The following ZNF618 variants were observed in gnomAD, a reference collection of about 807,000 sequenced individuals.
The protein encoded by ZNF618 is neural precursor cell expressed, developmentally down-regulated 10.
ZNF618 carries 34 observed loss-of-function variants against 103.0 expected under a neutral mutation model. The observed-to-expected ratio is 0.33, with a 90% CI of 0.25 to 0.44. The LOEUF is 0.44. Among genes scored for constraint, ZNF618 ranks in the 20% least tolerant of loss-of-function variants. The pLI is 1.00. For synonymous variants in ZNF618, 551 were observed against 542.2 expected (o/e 1.02, Z -0.23); for missense variants, 1,059 against 1,295.4 (o/e 0.82, Z 2.80).
At chr9:113,876,484 A>G in intron 1 of ZNF618, 71 bp downstream of exon 1, 1 of 1,116,248 alleles carries the variant, frequency 9.0e-7, no homozygotes, top group Non-Finnish European at 1.1e-6. Context: ...GCGCTGCGCC[A>G]CTTCATTGCA....
chr9:113,902,909 C>A (rs1830683062), intron 1 of ZNF618, among the ~76,000 whole-genome samples: 1 of 152,174 alleles, frequency 6.6e-6, no homozygotes, highest in Non-Finnish European at 1.5e-5. Flanking sequence ...TTAACTGTCC[C>A]CCCTCACCCC....
At chr9:113,947,368 C>T (rs754869065) in intron 1 of ZNF618, among the ~76,000 whole-genome samples, 14 of 152,166 alleles carry the variant, frequency 9.2e-5, no homozygotes, top group African/African-American at 3.1e-4. Flanking sequence ...AAGAGGCATG[C>T]GTGTAGAGTG....
intron 1 of ZNF618, among the ~76,000 whole-genome samples, chr9:113,923,432 TG>T (rs1448418245): frequency 6.6e-6 from 1 of 152,204 alleles, no homozygotes; most frequent in Admixed American, 6.5e-5. Flanking sequence ...GTAGGTTTTT[TG>T]TAGATGTTCT....
At chr9:114,045,244 T>C (rs1264696162) in intron 13 of ZNF618, among the ~76,000 whole-genome samples, 1 of 152,110 alleles carries the variant, frequency 6.6e-6, no homozygotes, top group Non-Finnish European at 1.5e-5. Context: ...GCTTTTGGTG[T>C]CATATCCAGG....
chr9:113,976,892 C>T (rs1838522896), intron 2 of ZNF618, among the ~76,000 whole-genome samples: 1 of 152,192 alleles, frequency 6.6e-6, no homozygotes, highest in Non-Finnish European at 1.5e-5. Flanking sequence ...TCCATCCATC[C>T]TTTAATCTTC....
Position 113,987,086 on chromosome 9 carries a change from A to G in ZNF618, c.78-1235A>G, listed in dbSNP as rs554287401. 4.6e-5 allele frequency among the ~76,000 whole-genome samples: 7 copies of G among 152,272 alleles called. No individual in the cohort carries two copies. In the East Asian group the frequency reaches 9.7e-4, roughly 21 times the overall value. ...CACAGACCATGCTCTCCTCTGGCAC[A>G]GTGGAGAGGCTAGCATGGCCAGGGC... On this transcript the variant is annotated intron_variant, in intron 2 of 14. Coordinates refer to ENST00000374126, the MANE Select transcript of ZNF618 (RefSeq NM_001318042.2).
chr9:114,000,114 TA>T (rs1841032980), intron 4 of ZNF618, among the ~76,000 whole-genome samples: 1 of 152,176 alleles, frequency 6.6e-6, no homozygotes, highest in Admixed American at 6.5e-5. Flanking sequence ...AACCACTAAA[TA>T]ACAGACTCCT....
chr9:113,950,643 G>A (rs1019493594), intron 1 of ZNF618, among the ~76,000 whole-genome samples: 8 of 152,190 alleles, frequency 5.3e-5, no homozygotes, highest in Middle Eastern at 3.2e-3. Flanking sequence ...CTGTGAATAA[G>A]CCTTGGTCTC....
At chr9:113,968,064 G>A (rs532435371) in intron 1 of ZNF618, among the ~76,000 whole-genome samples, 6 of 152,180 alleles carry the variant, frequency 3.9e-5, no homozygotes, top group South Asian at 2.1e-4. Context: ...TCCTTCATCC[G>A]CAATCCTGAA....
At chr9:113,984,152 T>C (rs1160334828) in intron 2 of ZNF618, among the ~76,000 whole-genome samples, 3 of 152,046 alleles carry the variant, frequency 2.0e-5, no homozygotes, top group Non-Finnish European at 4.4e-5. Context: ...AACAAGGCAA[T>C]GAACTAGAAG....
At chr9:113,928,818 A>G (rs1472143255) in intron 1 of ZNF618, among the ~76,000 whole-genome samples, 1 of 152,052 alleles carries the variant, frequency 6.6e-6, no homozygotes, top group Admixed American at 6.6e-5. Flanking sequence ...TTCAATCTCA[A>G]TTATTATTAT....
chr9:113,973,508 A>G lies in ZNF618; in HGVS notation c.77+4348A>G, dbSNP rs532563867. Among the ~76,000 whole-genome samples the G allele has an allele frequency of 4.6e-5, 7 of 152,318 alleles. No individual in the cohort carries two copies. In the South Asian group the frequency reaches 1.5e-3, roughly 32 times the overall value. On this transcript the variant is annotated intron_variant, in intron 2 of 14. Transcript: ENST00000374126. ...GAGAGGTTGTGTTTCTGATCTTAAG[A>G]AACAACCGAATGTGGTTTGGTTTAC...
At chr9:113,944,629 T>C (rs1834845474) in intron 1 of ZNF618, among the ~76,000 whole-genome samples, 1 of 152,186 alleles carries the variant, frequency 6.6e-6, no homozygotes, top group East Asian at 1.9e-4. Flanking sequence ...AGAAATGTCA[T>C]GCAAGCCGCA....
intron 10 of ZNF618, among the ~76,000 whole-genome samples, chr9:114,020,690 G>C (rs907759977): frequency 2.0e-5 from 3 of 152,004 alleles, no homozygotes; most frequent in African/African-American, 7.2e-5. Flanking sequence ...AGTTCTAATA[G>C]ATTTTTTTAG....
intron 1 of ZNF618, among the ~76,000 whole-genome samples, chr9:113,922,999 C>T (rs984464682): frequency 2.0e-5 from 3 of 151,902 alleles, no homozygotes; most frequent in African/African-American, 4.8e-5. Flanking sequence ...TGTAGTTTTC[C>T]GTGGATATCC....
chr9:114,045,759 C>T (rs1448034705), intron 13 of ZNF618, among the ~76,000 whole-genome samples: 6 of 151,756 alleles, frequency 4.0e-5, no homozygotes, highest in Admixed American at 2.0e-4. Context: ...AAAACAACAA[C>T]AATATGGATT....
intron 1 of ZNF618, among the ~76,000 whole-genome samples, chr9:113,890,447 A>G (rs1260245830): frequency 6.6e-6 from 1 of 152,138 alleles, no homozygotes; most frequent in African/African-American, 2.4e-5. Context: ...GCAAATGTAG[A>G]TAGGTCTTCA....
chr9:113,900,212 C>T (rs1587977790), intron 1 of ZNF618, among the ~76,000 whole-genome samples: 1 of 152,004 alleles, frequency 6.6e-6, no homozygotes, highest in South Asian at 2.1e-4. Flanking sequence ...CAGGTGTGCA[C>T]CAGCACACCT....
intron 1 of ZNF618, among the ~76,000 whole-genome samples, chr9:113,906,534 A>G (rs1831006112): frequency 6.6e-6 from 1 of 152,100 alleles, no homozygotes; most frequent in African/African-American, 2.4e-5. Flanking sequence ...CCTGACATCT[A>G]CTGAACCTAC....
Sources: gnomAD v4.1 joint callset for allele counts (sites outside exome capture counted in the v4.1 genomes callset) on GRCh38, gnomAD v4.1.1 for gene constraint, MANE v1.5 for transcripts, NCBI Gene and HGNC (gene_info 2026-07-23, HGNC 2026-07-21) for gene names.